PPFIA2: variants seen among roughly 807,000 people sequenced by gnomAD.
PPFIA2 encodes PPFI scaffold protein A2, also known as liprin-alpha-2.
A neutral mutation model predicts 175.5 loss-of-function variants in PPFIA2; 46 were observed. That is an observed-to-expected ratio of 0.26 (90% confidence interval 0.21 to 0.34). PPFIA2 has a LOEUF of 0.34. Among genes scored for constraint, PPFIA2 ranks in the 10% least tolerant of loss-of-function variants. The pLI, the probability that PPFIA2 is intolerant of heterozygous loss-of-function variation, is 1.00. For missense variants in PPFIA2, 1,179 were observed against 1,506.1 expected (o/e 0.78, Z 3.60); for synonymous variants, 568 against 511.4 (o/e 1.11, Z -1.49).
At chr12:81,584,926 TTA>T (rs1236525995) in intron 4 of PPFIA2, among the ~76,000 whole-genome samples, 1 of 118,506 alleles carries the variant, frequency 8.4e-6, no homozygotes, top group African/African-American at 3.3e-5. Context: ...TTAATTATAT[TTA>T]TATATAATAT....
rs986495029 is a variant in PPFIA2, at chr12:81,599,789, T to C, written c.303+77002A>G. 5.9e-5 allele frequency among the ~76,000 whole-genome samples: 9 copies of C among 151,974 alleles called. No homozygotes were observed. The East Asian group carries it at 1.7e-3, about 29-fold the overall frequency. ...GTTTCTTTTGGTGTGTGACAGCTTT[T>C]CTTTGTTTCTCATGACCTTGATGGT... is the stretch of plus-strand genomic sequence containing the variant. On this transcript the variant is annotated intron_variant, in intron 4 of 32. Transcript: ENST00000549396.
intron 6 of PPFIA2, among the ~76,000 whole-genome samples, chr12:81,443,448 G>A (rs557953530): frequency 1.3e-5 from 2 of 152,160 alleles, no homozygotes; most frequent in Non-Finnish European, 1.5e-5. Flanking sequence ...AGGGTCATAC[G>A]ATGGAACAAC....
At chr12:81,369,521 GTTGA>G (rs1322679165) in intron 11 of PPFIA2, 14 of 809,242 alleles carry the variant, frequency 1.7e-5, no homozygotes, top group African/African-American at 1.5e-4. Context: ...TGCACAGATG[GTTGA>G]TTATCAATAA....
chr12:81,748,448 G>A (rs950060661), intron 3 of PPFIA2, among the ~76,000 whole-genome samples: 4 of 144,718 alleles, frequency 2.8e-5, no homozygotes, highest in Non-Finnish European at 4.7e-5. Flanking sequence ...AGTTTAAGAA[G>A]CATCTGCTTA....
At position 81,365,263 on chromosome 12, in the gene PPFIA2, T is replaced by G. The variant is rs113667372; in HGVS notation, c.1545+1845A>C. On this transcript the variant is annotated intron_variant, in intron 14 of 32. Coordinates refer to ENST00000549396, the MANE Select transcript of PPFIA2 (RefSeq NM_003625.5). The stretch of plus-strand genomic sequence containing the variant: ...TGCTGATAATGGACTGTGAGTACAG[T>G]TAGTTTAGTGGAAATTTGAGGAATT... Among the ~76,000 whole-genome samples the G allele has an allele frequency of 9.1e-3, 1,383 of 151,748 alleles. 26 individuals are homozygous for G. The highest frequency in any genetic ancestry group is 0.031 in the African/African-American group (1,299 of 41,426).
intron 4 of PPFIA2, among the ~76,000 whole-genome samples, chr12:81,577,860 C>CT (rs1378376195): frequency 1.3e-5 from 2 of 151,832 alleles, no homozygotes; most frequent in Non-Finnish European, 2.9e-5. Context: ...AATTTAGTGG[C>CT]TTATGGCAGT....
intron 4 of PPFIA2, among the ~76,000 whole-genome samples, chr12:81,596,122 A>T (rs538867322): frequency 4.6e-5 from 7 of 152,236 alleles, no homozygotes; most frequent in African/African-American, 1.7e-4. Flanking sequence ...AATATGGGTT[A>T]ATGTATATAG....
At position 81,647,605 on chromosome 12, in the gene PPFIA2, C is replaced by CA. The variant is rs2066319071; in HGVS notation, c.303+29185dup. Among the ~76,000 whole-genome samples, 3 of 150,914 alleles carry CA rather than the reference C, an allele frequency of 2.0e-5. No individual in the cohort carries two copies. In the South Asian group the frequency reaches 6.3e-4, roughly 32 times the overall value. The stretch of plus-strand genomic sequence containing the variant: ...TGAAACCCTGTCTCTACTAAAAGTA[C>CA]AAAAAATTAGCCGGGCGTGGTGGCG... On this transcript the variant is annotated intron_variant, in intron 4 of 32. Transcript: ENST00000549396.
At chr12:81,292,927 G>A (rs770434985) in intron 24 of PPFIA2, 3 of 151,624 alleles carry the variant, frequency 2.0e-5, no homozygotes, top group Non-Finnish European at 2.9e-5. Flanking sequence ...TTAAAATGGA[G>A]TTATGTAAGA....
chr12:81,632,532 T>C (rs2063506926), intron 4 of PPFIA2, among the ~76,000 whole-genome samples: 1 of 152,152 alleles, frequency 6.6e-6, no homozygotes, highest in South Asian at 2.1e-4. Context: ...CAAGTCCATA[T>C]ATACATGTAA....
In PPFIA2 at chr12:81,347,679, C is replaced by T. The variant is rs757552136; in HGVS notation, c.2086G>A (p.Ala696Thr). ...ASVSLEGLNL[A>T]RVHPGTSITA... ...ATGGAGGTACCTGGGTGGACCCTTG[C>T]CAAATTCAGGCCTTCGAGGCTCACA... The change falls in exon 18 of 33, where the codon GCA (alanine) becomes ACA (threonine). Residue 696 changes from alanine to threonine, a missense_variant. Physicochemically the swap from Ala to Thr is moderately conservative, Grantham distance 58. Around this residue, in one of 10 missense-constraint regions of PPFIA2, gnomAD observed 223 missense variants for 241.6 expected, o/e 0.92. Transcript: ENST00000549396. 1.2e-6 allele frequency: 2 copies of T among 1,613,820 alleles called. No individual in the cohort carries two copies. Among genetic ancestry groups the T allele is most frequent in the African/African-American group, 1.3e-5 (1 of 75,004 alleles).
intron 4 of PPFIA2, among the ~76,000 whole-genome samples, chr12:81,620,445 T>G (rs1377537034): frequency 6.6e-6 from 1 of 152,128 alleles, no homozygotes; most frequent in Non-Finnish European, 1.5e-5. Context: ...TTTTTTTGTA[T>G]TTTGGTAATT....
At chr12:81,566,713 T>C (rs2071403386) in intron 4 of PPFIA2, among the ~76,000 whole-genome samples, 1 of 152,172 alleles carries the variant, frequency 6.6e-6, no homozygotes, top group South Asian at 2.1e-4. Flanking sequence ...TATACACTCA[T>C]TGCAATGGAT....
intron 30 of PPFIA2, among the ~76,000 whole-genome samples, chr12:81,265,402 A>G (rs1289176742): frequency 6.6e-6 from 1 of 152,048 alleles, no homozygotes; most frequent in East Asian, 1.9e-4. Context: ...AAGTTGATAG[A>G]ACTATAAACA....
chr12:81,642,390 C>A (rs983358526), intron 4 of PPFIA2, among the ~76,000 whole-genome samples: 1 of 151,422 alleles, frequency 6.6e-6, no homozygotes. Context: ...ACTTATCACC[C>A]TCCTATGTTC....
intron 4 of PPFIA2, among the ~76,000 whole-genome samples, chr12:81,560,581 ACT>A (rs1393041929): frequency 1.3e-5 from 2 of 152,132 alleles, no homozygotes; most frequent in African/African-American, 4.8e-5. Flanking sequence ...AGAAAACCAG[ACT>A]CTCTCTCAGA....
At chr12:81,447,494 T>C (rs924125896) in intron 5 of PPFIA2, among the ~76,000 whole-genome samples, 1 of 152,204 alleles carries the variant, frequency 6.6e-6, no homozygotes, top group African/African-American at 2.4e-5. Flanking sequence ...TTTCTCATTC[T>C]TTAAGTCTCA....
At chr12:81,729,879 A>G (rs2080629614) in intron 3 of PPFIA2, among the ~76,000 whole-genome samples, 1 of 151,540 alleles carries the variant, frequency 6.6e-6, no homozygotes, top group African/African-American at 2.4e-5. Context: ...CCAGTAAGAA[A>G]GCTGGGACTT....
chr12:81,403,931 C>T (rs997824642), intron 8 of PPFIA2, among the ~76,000 whole-genome samples: 1 of 152,068 alleles, frequency 6.6e-6, no homozygotes, highest in South Asian at 2.1e-4. Flanking sequence ...GCCCATTTGG[C>T]CCTTTTCCAG....
Sources: gnomAD v4.1 joint callset for allele counts (sites outside exome capture counted in the v4.1 genomes callset) on GRCh38, gnomAD v4.1.1 for gene constraint, gnomAD v4.1.1 regional missense constraint, MANE v1.5 for transcripts, NCBI Gene and HGNC (gene_info 2026-07-23, HGNC 2026-07-21) for gene names.